ALS2CL: variants seen among roughly 807,000 people sequenced by gnomAD.
ALS2CL encodes the protein ALS2 C-terminal like.
A neutral mutation model predicts 127.9 loss-of-function variants in ALS2CL; 112 were observed. The ratio of observed to expected loss-of-function variants is 0.88; its 90% CI spans 0.75 to 1.02. ALS2CL has a LOEUF of 1.02. Ranked by LOEUF, ALS2CL falls within the 50% of genes least tolerant of loss-of-function variation. The probability of loss-of-function intolerance (pLI) is 0.00; values close to 1 mark genes in which losing one functional copy is unlikely to be tolerated. For missense variants in ALS2CL, 1,174 were observed against 1,236.7 expected (o/e 0.95, Z 0.76); for synonymous variants, 519 against 527.6 (o/e 0.98, Z 0.22).
At chr3:46,676,105 AG>A in intron 19 of ALS2CL, 139 bp downstream of exon 19, 1 of 1,409,178 alleles carries the variant, frequency 7.1e-7, no homozygotes. Context: ...TTTGCTCAGC[AG>A]CTGCACACTG....
In ALS2CL at chr3:46,687,635, C is replaced by A; in HGVS notation, c.352G>T (p.Ala118Ser). ...SCMVVQAFQK[A>S]AKRRSEYWRG... ...TGTGCTCACCTTCTCCTCTTTGCTGCCTTCTGGAAGGCCTGCACCACCATG... is the reference window on the plus strand; with the variant it reads ...TGTGCTCACCTTCTCCTCTTTGCTGACTTCTGGAAGGCCTGCACCACCATG... Residue 118 changes from alanine (A) to serine (S), a missense_variant, in exon 4 of 26, where the codon GCA becomes TCA. Transcript: ENST00000318962. The A allele has an allele frequency of 6.2e-7, 1 of 1,613,312 alleles. No individual in the cohort carries two copies. Among genetic ancestry groups the A allele is most frequent in the Non-Finnish European group, 8.5e-7 (1 of 1,179,728 alleles).
intron 19 of ALS2CL, chr3:46,676,003 G>T: frequency 1.4e-6 from 2 of 1,417,240 alleles, no homozygotes; most frequent in Non-Finnish European, 1.8e-6. Flanking sequence ...GTGCACCTGC[G>T]GTCAGAGTCA....
rs1698299266 is a variant in ALS2CL, at chr3:46,670,428, C to T, written c.*556G>A. The T allele has an allele frequency of 7.2e-6, 1 of 139,208 alleles. No homozygotes were observed. The highest frequency in any genetic ancestry group is 7.1e-5 in the Admixed American group (1 of 14,056). The allele number at this position is 139,208 out of a possible 1,614,324, so 8.6% of individuals were successfully genotyped here. A position where few individuals can be genotyped will look rare whatever the true frequency, so the allele number is the denominator to read the frequency against. On this transcript the variant is annotated 3_prime_UTR_variant, in exon 26 of 26. Coordinates refer to ENST00000318962, the MANE Select transcript of ALS2CL (RefSeq NM_147129.5). This position sits in a 1 kb window ranked among gnomAD's most constrained non-coding sequence, Gnocchi z 5.5. ...GTGAGGGTTTACCCACCCCCCGCCC[C>T]AGCTTGCTCCAGTGCCGCCGTTTAC...
At chr3:46,692,751 G>T (rs1311596202) in intron 1 of ALS2CL, among the ~76,000 whole-genome samples, 1 of 152,238 alleles carries the variant, frequency 6.6e-6, no homozygotes, top group Non-Finnish European at 1.5e-5. Context: ...TGAGTCAGCG[G>T]CTGCCCCTGT....
At position 46,683,758 on chromosome 3, in the gene ALS2CL, A is replaced by G. The variant is rs1159221422; in HGVS notation, c.912+24T>C. On this transcript the variant is annotated intron_variant, in intron 9 of 25. Coordinates refer to ENST00000318962, the MANE Select transcript of ALS2CL (RefSeq NM_147129.5). ...CCCTGTCCTCTGACCCCGCTCCCGC[A>G]GTTCACAGCTCACCCACACTCACCT... is the stretch of plus-strand genomic sequence containing the variant. 1.9e-6 allele frequency: 3 copies of G among 1,613,132 alleles called. 1 individual carries two copies. The South Asian group carries it at 3.3e-5, about 18-fold the overall frequency.
At chr3:46,688,497 T>C (rs574880988) in intron 2 of ALS2CL, among the ~76,000 whole-genome samples, 7 of 152,218 alleles carry the variant, frequency 4.6e-5, no homozygotes, top group African/African-American at 1.7e-4. Context: ...GCTGGAGCAG[T>C]GGGCAGTATC....
intron 7 of ALS2CL, among the ~76,000 whole-genome samples, chr3:46,685,175 T>A (rs1017757792): frequency 2.6e-5 from 4 of 152,214 alleles, no homozygotes; most frequent in Admixed American, 6.5e-5. Flanking sequence ...CTCTCTCATT[T>A]GAGTACAATG....
At chr3:46,679,413 T>C (rs1699140838) in intron 14 of ALS2CL, 126 bp from the exon 15 acceptor site, 2 of 812,822 alleles carry the variant, frequency 2.5e-6, no homozygotes, top group East Asian at 5.5e-5. Context: ...GCCCTGAGCC[T>C]CATCACGCCC....
chr3:46,680,779 G>T, intron 13 of ALS2CL: 1 of 566,068 alleles, frequency 1.8e-6, no homozygotes, highest in Non-Finnish European at 3.2e-6. Context: ...GTGGCAGGAA[G>T]GACAGGGGGA....
At position 46,686,806 on chromosome 3, in the gene ALS2CL, C is replaced by T. The variant is rs959161278; in HGVS notation, c.534+177G>A. Among the ~76,000 whole-genome samples, 2 of 152,130 alleles carry T rather than the reference C, an allele frequency of 1.3e-5. No homozygotes were observed. The highest frequency in any genetic ancestry group is 4.8e-5 in the African/African-American group (2 of 41,422). On this transcript the variant is annotated intron_variant, in intron 5 of 25. Transcript: ENST00000318962. This position sits in a 1 kb window ranked among gnomAD's most constrained non-coding sequence, Gnocchi z 4.3. ...CCTCCTCAGGGCTGGGCCACGTCCC[C>T]CATGTCCCCTGAAAACCACAGGACA... is the stretch of plus-strand genomic sequence containing the variant.
intron 1 of ALS2CL, among the ~76,000 whole-genome samples, chr3:46,690,287 T>C (rs1166626051): frequency 6.6e-6 from 1 of 152,160 alleles, no homozygotes. Flanking sequence ...GAGAGTTCAA[T>C]GTGGATGGGA....
rs369481274 is a variant in ALS2CL at position 46,675,684 on chromosome 3, C to A, written c.2189G>T (p.Gly730Val). The A allele has an allele frequency of 1.2e-5, 20 of 1,613,676 alleles. No homozygotes were observed. In the African/African-American group the frequency reaches 1.7e-4, roughly 14 times the overall value. The change falls in exon 20 of 26, where the codon GGT becomes GTT. Residue 730 changes from glycine to valine, a missense_variant and splice_region_variant. Transcript: ENST00000318962. ...HAQELWAAYR[G>V]LLRVALERKG... is the part of the protein sequence containing the mutation. ...GCGCTCTAAGGCAACTCGCAGCAGA[C>A]CCCTGTGAGTCAATGAGAGAGAAAT...
Position 46,681,210 on chromosome 3 carries a change from C to T in ALS2CL, c.1436+36G>A. 2 of 1,613,390 alleles carry T rather than the reference C, an allele frequency of 1.2e-6. No individual in the cohort carries two copies. Among genetic ancestry groups the T allele is most frequent in the Non-Finnish European group, 1.7e-6 (2 of 1,179,710 alleles). On this transcript the variant is annotated intron_variant, in intron 13 of 25. Transcript: ENST00000318962. The surrounding 1 kb of genome is among the most constrained non-coding windows in gnomAD (Gnocchi z 4.9). ...CTGGTCTGTGAGGGCCCGGTCCACC[C>T]CTCCGTCCTGGGAGTGGTGGCTGCA...
chr3:46,676,368 AGCTTT>A lies in ALS2CL; in HGVS notation c.2058_2062del (p.Lys687AlafsTer59). On this transcript the variant is annotated frameshift_variant, in exon 19 of 26. Transcript: ENST00000318962. LOFTEE classifies it high-confidence loss of function. ...GAAGGTCAGCATCAGTGTCCGGAGC[AGCTTT>A]CCCAGGGGGTGCAGTGAGTTGCTCA... 1 of 1,613,960 alleles carries A rather than the reference AGCTTT, an allele frequency of 6.2e-7. No individual in the cohort carries two copies.
Position 46,669,599 on chromosome 3 carries a change from C to T in ALS2CL, c.*1385G>A, listed in dbSNP as rs1050450321. On this transcript the variant is annotated 3_prime_UTR_variant, in exon 26 of 26. Coordinates refer to ENST00000318962, the MANE Select transcript of ALS2CL (RefSeq NM_147129.5). ...GTAAGCATGAGTGCCTGCATATCCT[C>T]GCTCTTCCTCAGTTCCACCCCCTTC... The T allele has an allele frequency of 2.0e-5, 3 of 152,246 alleles. No homozygotes were observed. Among genetic ancestry groups the T allele is most frequent in the African/African-American group, 2.4e-5 (1 of 41,450 alleles). 9.4% of individuals were successfully genotyped at this position (152,246 alleles called of 1,614,324 possible).
intron 1 of ALS2CL, among the ~76,000 whole-genome samples, chr3:46,689,990 C>T (rs569374951): frequency 1.3e-5 from 2 of 152,198 alleles, no homozygotes; most frequent in Admixed American, 6.5e-5. Context: ...TGGGGGAGTC[C>T]GGAGGCCTCC....
intron 9 of ALS2CL, 47 bp from the exon 10 acceptor site, chr3:46,683,373 C>G (rs1236172369): frequency 6.5e-7 from 1 of 1,536,062 alleles, no homozygotes; most frequent in African/African-American, 1.4e-5. Flanking sequence ...CTGCTGGAGG[C>G]TTTCCCTCCA....
Position 46,677,013 on chromosome 3 carries a change from G to C in ALS2CL, c.1767C>G (p.Gly589=). 1 of 1,604,454 alleles carries C rather than the reference G, an allele frequency of 6.2e-7. No individual in the cohort carries two copies. Among genetic ancestry groups the C allele is most frequent in the Non-Finnish European group, 8.5e-7 (1 of 1,175,302 alleles). ...GGCTTTCCACGGGGAAGGCACCCAC[G>C]CCCAGCTGCCTGCGATGGGGATGGA... is the stretch of plus-strand genomic sequence containing the variant. ...DPSSTCKRQL[G]VGAFPVESRW... The change falls in exon 17 of 26, where the codon GGC becomes GGG. Residue 589 remains glycine, a synonymous_variant. Transcript: ENST00000318962.
Position 46,682,019 on chromosome 3 carries a change from C to A in ALS2CL, c.1175+10G>T, listed in dbSNP as rs1236773765. Reference sequence around the variant, plus strand: ...GCACGCCTCCCAGCAGTAGCCCCAGCCAGCCTTACCCATGCTCCAGGCCCT... The same window carrying A: ...GCACGCCTCCCAGCAGTAGCCCCAGACAGCCTTACCCATGCTCCAGGCCCT... On this transcript the variant is annotated intron_variant, in intron 11 of 25. Transcript: ENST00000318962. 6.2e-7 allele frequency: 1 copy of A among 1,613,680 alleles called. No homozygotes were observed. The highest frequency in any genetic ancestry group is 2.2e-5 in the East Asian group (1 of 44,882).
Sources: gnomAD v4.1 joint callset for allele counts (sites outside exome capture counted in the v4.1 genomes callset) on GRCh38, gnomAD v4.1.1 for gene constraint, Gnocchi (gnomAD v3.1) non-coding constraint, MANE v1.5 for transcripts, NCBI Gene and HGNC (gene_info 2026-07-23, HGNC 2026-07-21) for gene names.